The following SIK2 variants were observed in gnomAD, a reference collection of about 807,000 sequenced individuals.
The protein encoded by SIK2 is salt inducible kinase 2, also known as serine/threonine-protein kinase SIK2.
In SIK2, 29 loss-of-function variants were observed where a neutral mutation model predicts 103.2. The observed-to-expected ratio is 0.28, with a 90% CI of 0.21 to 0.38. The LOEUF (loss-of-function observed/expected upper bound fraction) is 0.38. Ranked by LOEUF, SIK2 falls within the 10% of genes least tolerant of loss-of-function variation. The pLI is 1.00. For synonymous variants in SIK2, 412 were observed against 446.1 expected (o/e 0.92, Z 0.96); for missense variants, 879 against 1,171.0 (o/e 0.75, Z 3.64).
intron 3 of SIK2, among the ~76,000 whole-genome samples, chr11:111,632,995 G>C (rs1942058634): frequency 6.6e-6 from 1 of 152,020 alleles, no homozygotes; most frequent in Non-Finnish European, 1.5e-5. Context: ...TTGGAAACTG[G>C]CCAATGAACT....
chr11:111,646,117 A>G (rs921066684), intron 3 of SIK2, among the ~76,000 whole-genome samples: 1 of 151,070 alleles, frequency 6.6e-6, no homozygotes, highest in South Asian at 2.1e-4. Context: ...TTACAGCTTT[A>G]TTGAGGTATG....
rs1013387652 is a variant in SIK2, at chr11:111,708,131, C to T, written c.1101+2992C>T. ...GCACAGTTGCTCATGCCTGTAATCCCGGCGCTTTGGGAGGCCAAGGCAGGT... is the reference window on the plus strand; with the variant it reads ...GCACAGTTGCTCATGCCTGTAATCCTGGCGCTTTGGGAGGCCAAGGCAGGT... On this transcript the variant is annotated intron_variant, in intron 8 of 14. Transcript: ENST00000304987. Among the ~76,000 whole-genome samples, 5 of 152,280 alleles carry T rather than the reference C, an allele frequency of 3.3e-5. No homozygotes were observed. The South Asian group carries it at 6.2e-4, about 19-fold the overall frequency.
intron 9 of SIK2, among the ~76,000 whole-genome samples, chr11:111,717,317 CAAAAAAAAAAA>C (rs34473568): frequency 2.0e-5 from 1 of 49,464 alleles, no homozygotes; most frequent in Non-Finnish European, 3.5e-5. Flanking sequence ...GACTCCGTCT[CAAAAAAAAAAA>C]AAAAAAAAAA....
intron 4 of SIK2, among the ~76,000 whole-genome samples, chr11:111,697,399 TC>T (rs1383077299): frequency 6.6e-6 from 1 of 152,162 alleles, no homozygotes; most frequent in Non-Finnish European, 1.5e-5. Context: ...CATTCCCTGC[TC>T]CCGAGGAACT....
chr11:111,678,423 A>T (rs1942734170), intron 3 of SIK2, among the ~76,000 whole-genome samples: 1 of 152,170 alleles, frequency 6.6e-6, no homozygotes, highest in Non-Finnish European at 1.5e-5. Flanking sequence ...AAGTAGTGTA[A>T]CTTTCTTTCT....
chr11:111,707,816 C>G (rs892936642), intron 8 of SIK2, among the ~76,000 whole-genome samples: 4 of 152,162 alleles, frequency 2.6e-5, no homozygotes, highest in East Asian at 1.9e-4. Context: ...ATAACGTGAG[C>G]TGTGGAATCA....
intron 1 of SIK2, among the ~76,000 whole-genome samples, chr11:111,614,597 CATT>C (rs1305655519): frequency 6.6e-6 from 1 of 152,184 alleles, no homozygotes; most frequent in African/African-American, 2.4e-5. Context: ...TCTCCATCCT[CATT>C]ATCTTCACAT....
At chr11:111,699,380 A>G (rs867503984) in intron 4 of SIK2, among the ~76,000 whole-genome samples, 3 of 152,168 alleles carry the variant, frequency 2.0e-5, no homozygotes, top group Non-Finnish European at 4.4e-5. Context: ...GTTGGTGGTA[A>G]TGGTTTCACA....
chr11:111,727,494 G>C lies in SIK2; in HGVS notation c.*3365G>C. 1 of 178,586 alleles carries C rather than the reference G, an allele frequency of 5.6e-6. No homozygotes were observed. 11.1% of individuals were successfully genotyped at this position (178,586 alleles called of 1,614,324 possible). A position where few individuals can be genotyped will look rare whatever the true frequency, so the allele number is the denominator to read the frequency against. ...TCCCAACTCTGGTGCTGGAGTAATG[G>C]GGTGCTCTGCATTTTGATGGGGAGC... On this transcript the variant is annotated 3_prime_UTR_variant, in exon 15 of 15. Coordinates refer to ENST00000304987, the MANE Select transcript of SIK2 (RefSeq NM_015191.3).
intron 3 of SIK2, among the ~76,000 whole-genome samples, chr11:111,684,331 A>G (rs189709834): frequency 5.9e-5 from 9 of 152,162 alleles, no homozygotes; most frequent in Admixed American, 4.6e-4. Context: ...CTCTTTCTAT[A>G]TATGTAAACT....
rs1212492737 is a variant in SIK2, at chr11:111,726,679, A to C, written c.*2550A>C. Reference sequence around the variant, plus strand: ...CTGTCCCTAACTAGTGACCCATGGAAGCTTCCAAGCAGTTTTCTCTTCATC... The same window carrying C: ...CTGTCCCTAACTAGTGACCCATGGACGCTTCCAAGCAGTTTTCTCTTCATC... On this transcript the variant is annotated 3_prime_UTR_variant, in exon 15 of 15. Transcript: ENST00000304987. The C allele has an allele frequency of 2.3e-6, 1 of 429,548 alleles. No homozygotes were observed. The highest frequency in any genetic ancestry group is 2.0e-5 in the African/African-American group (1 of 50,700). The allele number at this position is 429,548 out of a possible 1,614,324, so 26.6% of individuals were successfully genotyped here.
At chr11:111,684,071 A>G (rs1942812456) in intron 3 of SIK2, among the ~76,000 whole-genome samples, 1 of 152,102 alleles carries the variant, frequency 6.6e-6, no homozygotes, top group African/African-American at 2.4e-5. Context: ...TGGAATTTAG[A>G]CCATTTTTCT....
intron 3 of SIK2, among the ~76,000 whole-genome samples, chr11:111,653,195 G>A (rs1942349035): frequency 6.6e-6 from 1 of 152,150 alleles, no homozygotes; most frequent in Admixed American, 6.5e-5. Context: ...CTGAGAGGAA[G>A]CCATCCAACA....
At chr11:111,672,386 G>C in intron 3 of SIK2, 1 of 506,960 alleles carries the variant, frequency 2.0e-6, no homozygotes, top group South Asian at 4.8e-5. Context: ...TAGGACTTCT[G>C]GGTCACCCTG....
chr11:111,616,718 C>T (rs1941811572), intron 2 of SIK2, among the ~76,000 whole-genome samples: 1 of 151,844 alleles, frequency 6.6e-6, no homozygotes, highest in East Asian at 1.9e-4. Flanking sequence ...TGGTGGTGCA[C>T]ATCTGTAGTC....
intron 9 of SIK2, among the ~76,000 whole-genome samples, chr11:111,713,025 C>T (rs372360466): frequency 1.3e-5 from 2 of 152,004 alleles, no homozygotes; most frequent in Admixed American, 6.6e-5. Flanking sequence ...ATTAGCCAGG[C>T]GTGGTGGTAC....
rs558980001 is a variant in SIK2 at position 111,720,797 on chromosome 11, G to A, written c.1780+35G>A. 3.1e-5 allele frequency: 49 copies of A among 1,570,638 alleles called. No homozygotes were observed. The Middle Eastern group carries it at 5.1e-4, about 16-fold the overall frequency. On this transcript the variant is annotated intron_variant, in intron 11 of 14. Coordinates refer to ENST00000304987, the MANE Select transcript of SIK2 (RefSeq NM_015191.3). ...TCCTCCTCTGCTTTTTGAAACTCGC[G>A]TCGTAGGAGAGCAGTTTCTTGCCAT...
intron 7 of SIK2, 144 bp downstream of exon 7, chr11:111,703,567 C>G (rs1425546626): frequency 7.4e-6 from 5 of 675,298 alleles, no homozygotes; most frequent in African/African-American, 3.6e-5. Flanking sequence ...ACATCAGACT[C>G]TATTTATATT....
rs79064941 is a variant in SIK2, at chr11:111,674,194, G to A, written c.317-13807G>A. 9.4e-3 allele frequency among the ~76,000 whole-genome samples: 1,430 copies of A among 152,198 alleles called. 14 individuals are homozygous for A. Among genetic ancestry groups the A allele is most frequent in the Non-Finnish European group, 0.014 (970 of 68,012 alleles). On this transcript the variant is annotated intron_variant, in intron 3 of 14. Transcript: ENST00000304987. Reference sequence around the variant, plus strand: ...GAGAACAGAGCCCAGTGTTTTTAACGTTAGTCCATGTTGTTGTGGAGCTAT... The same window carrying A: ...GAGAACAGAGCCCAGTGTTTTTAACATTAGTCCATGTTGTTGTGGAGCTAT...
Sources: allele counts gnomAD v4.1 joint callset (sites outside exome capture counted in the v4.1 genomes callset), GRCh38; gene constraint gnomAD v4.1.1; transcripts MANE v1.5; gene names NCBI Gene and HGNC (gene_info 2026-07-23, HGNC 2026-07-21).